Variants in PDE8A observed in about 807,000 individuals in gnomAD.
The protein encoded by PDE8A is high affinity cAMP-specific and IBMX-insensitive 3',5'-cyclic phosphodiesterase 8A.
Under a neutral mutation model 105.0 loss-of-function variants are expected in PDE8A, and 59 were observed. The ratio of observed to expected loss-of-function variants is 0.56; its 90% confidence interval spans 0.46 to 0.70. The LOEUF (loss-of-function observed/expected upper bound fraction) is 0.70, where lower values mean the gene tolerates loss of function less well. Among genes scored for constraint, PDE8A ranks in the 30% least tolerant of loss-of-function variants. The pLI is 0.00. For synonymous variants in PDE8A, 355 were observed against 371.9 expected (o/e 0.95, Z 0.52); for missense variants, 1,014 against 1,045.9 (o/e 0.97, Z 0.42).
intron 1 of PDE8A, among the ~76,000 whole-genome samples, chr15:85,045,628 T>C (rs2080875075): frequency 6.6e-6 from 1 of 152,206 alleles, no homozygotes; most frequent in African/African-American, 2.4e-5. Context: ...GACCATGTTG[T>C]TATTTGCATT....
chr15:84,985,922 C>T (rs1032830754), intron 1 of PDE8A, among the ~76,000 whole-genome samples: 9 of 152,020 alleles, frequency 5.9e-5, no homozygotes, highest in African/African-American at 2.2e-4. Context: ...AGTAGATTTC[C>T]CTGTAAAGAA....
chr15:85,099,129 G>T (rs1011824382), intron 9 of PDE8A, among the ~76,000 whole-genome samples: 1 of 152,200 alleles, frequency 6.6e-6, no homozygotes, highest in Non-Finnish European at 1.5e-5. Flanking sequence ...TTGTTTAATT[G>T]AGCCCCTCCC....
At chr15:85,083,192 C>T (rs2081494694) in intron 5 of PDE8A, among the ~76,000 whole-genome samples, 1 of 152,168 alleles carries the variant, frequency 6.6e-6, no homozygotes, top group Non-Finnish European at 1.5e-5. Flanking sequence ...ACTCTGAAAG[C>T]CTAATATAAG....
intron 1 of PDE8A, among the ~76,000 whole-genome samples, chr15:85,033,564 T>C (rs2080651796): frequency 6.6e-6 from 1 of 151,958 alleles, no homozygotes; most frequent in Admixed American, 6.6e-5. Context: ...CCCAAATGAA[T>C]CTTCAAATAG....
intron 1 of PDE8A, among the ~76,000 whole-genome samples, chr15:85,036,979 G>T (rs1019654584): frequency 2.0e-4 from 31 of 152,070 alleles, no homozygotes; most frequent in African/African-American, 7.5e-4. Flanking sequence ...TTCCCCAGTG[G>T]CAGGCTGCCC....
chr15:85,128,522 A>G (rs1019420563), intron 20 of PDE8A, among the ~76,000 whole-genome samples: 1 of 152,272 alleles, frequency 6.6e-6, no homozygotes, highest in Admixed American at 6.5e-5. Flanking sequence ...CAACAACCAT[A>G]AGAAGAAAAT....
At position 85,002,019 on chromosome 15, in the gene PDE8A, G is replaced by A. The variant is rs1646349181; in HGVS notation, c.186+19671G>A. 3.3e-5 allele frequency among the ~76,000 whole-genome samples: 5 copies of A among 151,774 alleles called. No individual in the cohort carries two copies. In the South Asian group the frequency reaches 1.0e-3, roughly 32 times the overall value. ...GGGTCTCGCTATGTTGCCCATGCTG[G>A]TCTTGAATTCCTGGCCTCAAGTGAT... On this transcript the variant is annotated intron_variant, in intron 1 of 21. Transcript: ENST00000394553.
At chr15:85,029,751 G>A (rs2141371299) in intron 1 of PDE8A, among the ~76,000 whole-genome samples, 1 of 152,264 alleles carries the variant, frequency 6.6e-6, no homozygotes, top group East Asian at 1.9e-4. Context: ...ATCTCTGAGT[G>A]TTAGATGGTA....
At chr15:85,010,595 G>A (rs915673495) in intron 1 of PDE8A, among the ~76,000 whole-genome samples, 3 of 152,080 alleles carry the variant, frequency 2.0e-5, no homozygotes, top group African/African-American at 7.2e-5. Context: ...AGGACGCTGG[G>A]CCTATTTATG....
intron 20 of PDE8A, among the ~76,000 whole-genome samples, chr15:85,129,841 G>A (rs915253821): frequency 3.3e-5 from 5 of 151,990 alleles, no homozygotes; most frequent in African/African-American, 9.7e-5. Context: ...CACTGTTTTT[G>A]CTGCATCTAA....
chr15:85,085,697 G>A (rs1411395232), intron 6 of PDE8A, among the ~76,000 whole-genome samples: 1 of 144,528 alleles, frequency 6.9e-6, no homozygotes, highest in Non-Finnish European at 1.5e-5. Context: ...AAACAGACTT[G>A]GATATATTTA....
chr15:85,000,486 AGTT>A (rs1219154605), intron 1 of PDE8A, among the ~76,000 whole-genome samples: 6 of 152,186 alleles, frequency 3.9e-5, no homozygotes, highest in African/African-American at 1.4e-4. Context: ...GTTTAGGTTC[AGTT>A]GTTTATAGGG....
intron 5 of PDE8A, among the ~76,000 whole-genome samples, chr15:85,083,179 T>C (rs2081494386): frequency 1.3e-5 from 2 of 152,242 alleles, no homozygotes; most frequent in South Asian, 4.1e-4. Flanking sequence ...TGTTGTTGAA[T>C]ATACTCTGAA....
chr15:84,988,718 C>G (rs1251345982), intron 1 of PDE8A, among the ~76,000 whole-genome samples: 1 of 152,202 alleles, frequency 6.6e-6, no homozygotes, highest in Non-Finnish European at 1.5e-5. Context: ...CTTCCTTGAG[C>G]CCTTGGCTGG....
At position 85,015,797 on chromosome 15, in the gene PDE8A, A is replaced by G. The variant is rs570768689; in HGVS notation, c.186+33449A>G. On this transcript the variant is annotated intron_variant, in intron 1 of 21. Transcript: ENST00000394553. ...CCTTCCATTTTTGGCATCTCTTTCT[A>G]TATTGCAAATATTCTTTCCATTTCT... Among the ~76,000 whole-genome samples, 5 of 152,048 alleles carry G rather than the reference A, an allele frequency of 3.3e-5. No individual in the cohort carries two copies. In the East Asian group the frequency reaches 9.7e-4, roughly 29 times the overall value.
chr15:85,097,532 G>A (rs968438764), intron 8 of PDE8A, among the ~76,000 whole-genome samples: 5 of 152,170 alleles, frequency 3.3e-5, no homozygotes, highest in Admixed American at 1.3e-4. Flanking sequence ...CTCAGAAGCC[G>A]GTAGTGGCCA....
At chr15:85,046,957 T>C (rs1231057959) in intron 1 of PDE8A, among the ~76,000 whole-genome samples, 3 of 152,220 alleles carry the variant, frequency 2.0e-5, no homozygotes, top group African/African-American at 4.8e-5. Flanking sequence ...ACCATCATAT[T>C]GTCTGATATC....
chr15:85,045,492 T>G (rs1045139839), intron 1 of PDE8A, among the ~76,000 whole-genome samples: 9 of 152,230 alleles, frequency 5.9e-5, no homozygotes, highest in African/African-American at 1.9e-4. Flanking sequence ...GAGTGTCAGC[T>G]TCTTCATCAA....
intron 1 of PDE8A, among the ~76,000 whole-genome samples, chr15:85,027,597 A>G (rs1387347478): frequency 2.0e-5 from 3 of 152,242 alleles, no homozygotes; most frequent in Non-Finnish European, 2.9e-5. Flanking sequence ...TGACTGAGCA[A>G]TGGCATTTAC....
Sources: gnomAD v4.1 joint callset for allele counts (sites outside exome capture counted in the v4.1 genomes callset) on GRCh38, gnomAD v4.1.1 for gene constraint, MANE v1.5 for transcripts, NCBI Gene and HGNC (gene_info 2026-07-23, HGNC 2026-07-21) for gene names.